The following CDH12 variants were observed in gnomAD, a reference collection of about 807,000 sequenced individuals.
CDH12 encodes cadherin 12.
A neutral mutation model predicts 74.1 loss-of-function variants in CDH12; 41 were observed. The observed-to-expected ratio is 0.55, with a 90% CI of 0.43 to 0.72. The LOEUF (loss-of-function observed/expected upper bound fraction) is 0.72, where lower values mean the gene tolerates loss of function less well. CDH12 is among the 30% of genes least tolerant of loss of function. The pLI is 0.00. For missense variants in CDH12, 945 were observed against 977.2 expected, an observed-to-expected ratio of 0.97 and a Z score of 0.44; for synonymous variants, 399 against 355.0, an observed-to-expected ratio of 1.12 and a Z score of -1.39.
intron 3 of CDH12, among the ~76,000 whole-genome samples, chr5:22,370,211 A>T (rs1393595288): frequency 1.3e-5 from 2 of 152,190 alleles, no homozygotes; most frequent in African/African-American, 4.8e-5. Context: ...CTCCTGGAAG[A>T]TCATATTTCC....
intron 2 of CDH12, among the ~76,000 whole-genome samples, chr5:22,497,014 C>T (rs1360685169): frequency 6.6e-6 from 1 of 152,092 alleles, no homozygotes; most frequent in African/African-American, 2.4e-5. Flanking sequence ...AAAATATTAC[C>T]TTAGACTTTT....
chr5:21,811,028 T>C (rs1322542322), intron 9 of CDH12, among the ~76,000 whole-genome samples: 1 of 152,106 alleles, frequency 6.6e-6, no homozygotes, highest in East Asian at 1.9e-4. Context: ...CTTAGCCGAT[T>C]TGTTAAAAGG....
rs190161288 is a variant in CDH12, at chr5:22,423,812, G to T, written c.-427-18461C>A. On this transcript the variant is annotated intron_variant, in intron 2 of 14. Coordinates refer to ENST00000382254, the MANE Select transcript of CDH12 (RefSeq NM_004061.5). Reference sequence around the variant, plus strand: ...AGGTCAGGAGATGGAGACCATCCTGGCTAACACGGTGAAACCCCGTCTCTA... The same window carrying T: ...AGGTCAGGAGATGGAGACCATCCTGTCTAACACGGTGAAACCCCGTCTCTA... Among the ~76,000 whole-genome samples the T allele has an allele frequency of 9.0e-3, 1,362 of 151,848 alleles. 20 individuals are homozygous for T. The highest frequency in any genetic ancestry group is 0.031 in the African/African-American group (1,279 of 41,422).
At chr5:22,515,613 A>G (rs1031715758) in intron 1 of CDH12, among the ~76,000 whole-genome samples, 2 of 152,114 alleles carry the variant, frequency 1.3e-5, no homozygotes, top group Non-Finnish European at 2.9e-5. Flanking sequence ...ACAAACTCAC[A>G]CTGAAAACCT....
At chr5:22,846,481 C>T (rs1279994041) in intron 1 of CDH12, among the ~76,000 whole-genome samples, 1 of 151,814 alleles carries the variant, frequency 6.6e-6, no homozygotes, top group African/African-American at 2.4e-5. Context: ...TCAAAAGACA[C>T]AGAGAACTCA....
At chr5:22,098,846 A>G (rs1164132487) in intron 4 of CDH12, among the ~76,000 whole-genome samples, 1 of 152,126 alleles carries the variant, frequency 6.6e-6, no homozygotes, top group Non-Finnish European at 1.5e-5. Flanking sequence ...CACCAGGCCT[A>G]ATCGCCACAC....
intron 6 of CDH12, among the ~76,000 whole-genome samples, chr5:21,959,598 A>C (rs2150108754): frequency 6.6e-6 from 1 of 151,960 alleles, no homozygotes; most frequent in South Asian, 2.1e-4. Flanking sequence ...CAGACTTCAA[A>C]CCAACAAAGT....
At chr5:21,962,954 A>G (rs961378335) in intron 6 of CDH12, among the ~76,000 whole-genome samples, 1 of 152,132 alleles carries the variant, frequency 6.6e-6, no homozygotes, top group East Asian at 1.9e-4. Flanking sequence ...GCAGCTTTTG[A>G]CGAAATTGGT....
intron 5 of CDH12, among the ~76,000 whole-genome samples, chr5:22,069,489 T>C (rs906116523): frequency 2.6e-5 from 4 of 152,182 alleles, no homozygotes; most frequent in Non-Finnish European, 5.9e-5. Context: ...GATACCACTA[T>C]TACTCCTGGT....
chr5:22,818,999 G>A (rs1332663876), intron 1 of CDH12, among the ~76,000 whole-genome samples: 1 of 151,998 alleles, frequency 6.6e-6, no homozygotes, highest in Non-Finnish European at 1.5e-5. Flanking sequence ...TATTTTTGTA[G>A]TATGGTAGTT....
intron 5 of CDH12, among the ~76,000 whole-genome samples, chr5:22,047,806 T>C (rs10057723): frequency 0.25 from 37,606 of 152,072 alleles, 4,854 homozygotes; most frequent in South Asian, 0.34. Flanking sequence ...ATTTATTTCA[T>C]CTTTTAACTA....
intron 1 of CDH12, among the ~76,000 whole-genome samples, chr5:22,642,604 T>C (rs995033401): frequency 6.6e-6 from 1 of 152,150 alleles, no homozygotes. Flanking sequence ...ATGCCAGAAA[T>C]CTAAGTCGAG....
At chr5:21,990,328 TA>T (rs1163793507) in intron 5 of CDH12, among the ~76,000 whole-genome samples, 3 of 152,012 alleles carry the variant, frequency 2.0e-5, no homozygotes, top group African/African-American at 7.2e-5. Context: ...GTATACAACA[TA>T]AAAAGAGTTA....
intron 1 of CDH12, among the ~76,000 whole-genome samples, chr5:22,741,061 C>T (rs1187320298): frequency 6.6e-6 from 1 of 152,124 alleles, no homozygotes; most frequent in African/African-American, 2.4e-5. Flanking sequence ...AAATGATTCA[C>T]ACTGATATCT....
At chr5:21,960,555 C>T (rs1756310372) in intron 6 of CDH12, among the ~76,000 whole-genome samples, 1 of 151,994 alleles carries the variant, frequency 6.6e-6, no homozygotes, top group East Asian at 1.9e-4. Flanking sequence ...ATTACCGTTC[C>T]CTTGTATCTC....
chr5:22,167,558 C>G (rs1331192747), intron 4 of CDH12, among the ~76,000 whole-genome samples: 2 of 152,092 alleles, frequency 1.3e-5, no homozygotes, highest in African/African-American at 4.8e-5. Flanking sequence ...TGCCCCATTT[C>G]TCTTCTGTAG....
At chr5:22,472,519 C>A (rs540281091) in intron 2 of CDH12, among the ~76,000 whole-genome samples, 1 of 152,084 alleles carries the variant, frequency 6.6e-6, no homozygotes, top group Non-Finnish European at 1.5e-5. Flanking sequence ...GGTTGCTAGA[C>A]GTGTTAAGCT....
At chr5:22,625,714 T>C (rs1738253255) in intron 1 of CDH12, among the ~76,000 whole-genome samples, 1 of 152,162 alleles carries the variant, frequency 6.6e-6, no homozygotes, top group African/African-American at 2.4e-5. Flanking sequence ...TGCCCACGCA[T>C]GCTTGCAGGG....
chr5:22,821,767 G>A (rs1212703755), intron 1 of CDH12, among the ~76,000 whole-genome samples: 9 of 151,160 alleles, frequency 6.0e-5, no homozygotes, highest in Non-Finnish European at 1.3e-4. Flanking sequence ...CCATGCTCAT[G>A]GGTAGGAAGA....
Sources: gnomAD v4.1 joint callset for allele counts (sites outside exome capture counted in the v4.1 genomes callset) on GRCh38, gnomAD v4.1.1 for gene constraint, MANE v1.5 for transcripts, NCBI Gene and HGNC (gene_info 2026-07-23, HGNC 2026-07-21) for gene names.